Variants in AVPR1A observed in about 807,000 individuals in gnomAD.
The protein encoded by AVPR1A is vasopressin V1a receptor.
AVPR1A carries 31 observed loss-of-function variants against 31.5 expected under a neutral mutation model. The ratio of observed to expected loss-of-function variants is 0.99; its 90% CI spans 0.74 to 1.33. The LOEUF is 1.33. Among genes scored for constraint, AVPR1A ranks in the 40% most tolerant of loss-of-function variants. The pLI, the probability that AVPR1A is intolerant of heterozygous loss-of-function variation, is 0.00. For synonymous variants in AVPR1A, 243 were observed against 233.2 expected (o/e 1.04, Z -0.38); for missense variants, 570 against 575.2 (o/e 0.99, Z 0.09).
chr12:63,150,660 C>A lies in AVPR1A; in HGVS notation c.177G>T (p.Ala59=), dbSNP rs1392060259. The change falls in exon 1 of 2, where the codon GCG becomes GCT. Residue 59 remains alanine (A), a synonymous_variant. Transcript: ENST00000299178. This position sits in a 1 kb window ranked among gnomAD's most constrained non-coding sequence, Gnocchi z 4.9. ...CCAGCACGGCCACCGCGAAAGTCAC[C>A]GCCAGCACGGCGATCTCCAGTTTGG... ...ELAKLEIAVL[A]VTFAVAVLGN... 6.2e-7 allele frequency: 1 copy of A among 1,609,066 alleles called. No individual in the cohort carries two copies. The highest frequency in any genetic ancestry group is 8.5e-7 in the Non-Finnish European group (1 of 1,179,868).
chr12:63,150,299 C>G lies in AVPR1A; in HGVS notation c.538G>C (p.Val180Leu). The G allele has an allele frequency of 1.2e-6, 2 of 1,613,950 alleles. No homozygotes were observed. Among genetic ancestry groups the G allele is most frequent in the Non-Finnish European group, 1.7e-6 (2 of 1,180,038 alleles). The change falls in exon 1 of 2, where the codon GTG (valine) becomes CTG (leucine). Residue 180 changes from valine (V) to leucine (L), a missense_variant. Coordinates refer to ENST00000299178, the MANE Select transcript of AVPR1A (RefSeq NM_000706.5). This position sits in a 1 kb window ranked among gnomAD's most constrained non-coding sequence, Gnocchi z 4.9. ...ACGAAGTACTGCGGCGTGCTCAGCACGAAGCTCAGCACCCAGGCGGCCGCG... is the reference window on the plus strand; with the variant it reads ...ACGAAGTACTGCGGCGTGCTCAGCAGGAAGCTCAGCACCCAGGCGGCCGCG... ...MIAAAWVLSF[V>L]LSTPQYFVFS...
chr12:63,147,532 T>A lies in AVPR1A; in HGVS notation c.1084A>T (p.Ser362Cys), dbSNP rs771830223. The change falls in exon 2 of 2, where the codon AGC becomes TGC. Residue 362 changes from serine (S) to cysteine (C), a missense_variant. Ser to Cys is a moderately radical substitution (Grantham distance 112). Coordinates refer to ENST00000299178, the MANE Select transcript of AVPR1A (RefSeq NM_000706.5). ...SGHLLQDCVQ[S>C]FPCCQNMKEK... Reference sequence around the variant, plus strand: ...TTCATGTTTTGGCAGCATGGGAAGCTTTGAACACAGTCTTGAAGGAGATGG... The same window carrying A: ...TTCATGTTTTGGCAGCATGGGAAGCATTGAACACAGTCTTGAAGGAGATGG... 4 of 1,614,176 alleles carry A rather than the reference T, an allele frequency of 2.5e-6. No individual in the cohort carries two copies. In the South Asian group the frequency reaches 4.4e-5, roughly 18 times the overall value.
In AVPR1A at chr12:63,145,053, T is replaced by G. The variant is rs1319637282; in HGVS notation, c.*2306A>C. On this transcript the variant is annotated 3_prime_UTR_variant, in exon 2 of 2. Transcript: ENST00000299178. ...TTCCAAACCAAAAAGCTTTAGTTTT[T>G]GAACTATCAAAGAGTTGTTAAAAGG... 1 of 157,500 alleles carries G rather than the reference T, an allele frequency of 6.3e-6. No homozygotes were observed. Among genetic ancestry groups the G allele is most frequent in the Non-Finnish European group, 1.4e-5 (1 of 71,288 alleles). 9.8% of individuals were successfully genotyped at this position (157,500 alleles called of 1,614,324 possible).
Position 63,147,238 on chromosome 12 carries a change from T to C in AVPR1A, c.*121A>G. The C allele has an allele frequency of 4.9e-6, 6 of 1,215,608 alleles. No individual in the cohort carries two copies. In the South Asian group the frequency reaches 9.1e-5, roughly 18 times the overall value. The allele number at this position is 1,215,608 out of a possible 1,614,324, so 75.3% of individuals were successfully genotyped here. On this transcript the variant is annotated 3_prime_UTR_variant, in exon 2 of 2. Coordinates refer to ENST00000299178, the MANE Select transcript of AVPR1A (RefSeq NM_000706.5). ...AAATGCAACTAGAAACACAGTCTCA[T>C]ACACAATGAATTGATTTATGGTTAT...
Position 63,145,888 on chromosome 12 carries a change from A to C in AVPR1A, c.*1471T>G, listed in dbSNP as rs1470425351. 6.6e-6 allele frequency: 1 copy of C among 152,302 alleles called. No homozygotes were observed. Among genetic ancestry groups the C allele is most frequent in the Non-Finnish European group, 1.5e-5 (1 of 68,116 alleles). The allele number at this position is 152,302 out of a possible 1,614,324, so 9.4% of individuals were successfully genotyped here. ...AGCAAGTTCTGTCTTTAAATTGGAA[A>C]ACTTTAGTCAGGCAGGAGAAGTCAA... On this transcript the variant is annotated 3_prime_UTR_variant, in exon 2 of 2. Transcript: ENST00000299178.
intron 1 of AVPR1A, among the ~76,000 whole-genome samples, chr12:63,148,472 A>C (rs186667375): frequency 2.0e-5 from 3 of 152,202 alleles, no homozygotes; most frequent in Admixed American, 1.3e-4. Flanking sequence ...ATTTAATCAT[A>C]CTTAGTGCTA....
chr12:63,150,738 T>C lies in AVPR1A; in HGVS notation c.99A>G (p.Glu33=), dbSNP rs1291063914. The C allele has an allele frequency of 2.5e-6, 4 of 1,602,124 alleles. No individual in the cohort carries two copies. The Admixed American group carries it at 6.7e-5, about 27-fold the overall frequency. Residue 33 remains glutamate, a synonymous_variant, in exon 1 of 2, where the codon GAA becomes GAG. Transcript: ENST00000299178. The surrounding 1 kb of genome is among the most constrained non-coding windows in gnomAD (Gnocchi z 4.9). The part of the protein sequence containing the change: ...TGAGNTSREA[E]ALGEGNGPPR... ...GTGGGCCGTTGCCCTCCCCGAGGGC[T>C]TCGGCCTCCCGGCTTGTGTTGCCAG...
chr12:63,148,614 G>C (rs1868395620), intron 1 of AVPR1A, among the ~76,000 whole-genome samples: 1 of 152,100 alleles, frequency 6.6e-6, no homozygotes, highest in Non-Finnish European at 1.5e-5. Context: ...GCAATAATTA[G>C]ACTGAATTTC....
rs576459831 is a variant in AVPR1A at position 63,145,933 on chromosome 12, T to C, written c.*1426A>G. The C allele has an allele frequency of 1.3e-5, 2 of 152,304 alleles. No individual in the cohort carries two copies. The highest frequency in any genetic ancestry group is 3.9e-4 in the East Asian group (2 of 5,180). The allele number at this position is 152,304 out of a possible 1,614,324, so 9.4% of individuals were successfully genotyped here. ...AGTCAAGCTGAGCAGTCACTGGAAA[T>C]GTTGTCCAATGAATCAGCGATCTAT... On this transcript the variant is annotated 3_prime_UTR_variant, in exon 2 of 2. Coordinates refer to ENST00000299178, the MANE Select transcript of AVPR1A (RefSeq NM_000706.5).
In AVPR1A at chr12:63,150,950, G is replaced by C; in HGVS notation, c.-114C>G. On this transcript the variant is annotated 5_prime_UTR_variant, in exon 1 of 2. Transcript: ENST00000299178. This position sits in a 1 kb window ranked among gnomAD's most constrained non-coding sequence, Gnocchi z 4.9. ...GTCCGAAGCGCAGGGTCTTTGGCGC[G>C]CTCGCAGCTTGCCGGGCTCTGCGAT... The C allele has an allele frequency of 7.1e-7, 1 of 1,407,336 alleles. No homozygotes were observed. Among genetic ancestry groups the C allele is most frequent in the Non-Finnish European group, 9.3e-7 (1 of 1,075,592 alleles). 87.2% of individuals were successfully genotyped at this position (1,407,336 alleles called of 1,614,324 possible).
chr12:63,150,437 C>T lies in AVPR1A; in HGVS notation c.400G>A (p.Gly134Ser), dbSNP rs769533111. 3 of 1,613,524 alleles carry T rather than the reference C, an allele frequency of 1.9e-6. No individual in the cohort carries two copies. The highest frequency in any genetic ancestry group is 1.7e-5 in the Admixed American group (1 of 59,988). ...AGCATGTAGGCCGACGCAAACATGC[C>T]GAACACCTGCAGGTGCTTCACCACG... ...CRVVKHLQVF[G>S]MFASAYMLVV... Residue 134 changes from glycine to serine, a missense_variant, in exon 1 of 2, where the codon GGC becomes AGC. Gly to Ser is a moderately conservative substitution (Grantham distance 56). Transcript: ENST00000299178. The surrounding 1 kb of genome is among the most constrained non-coding windows in gnomAD (Gnocchi z 4.9).
intron 1 of AVPR1A, among the ~76,000 whole-genome samples, chr12:63,148,632 G>A (rs1592332521): frequency 6.6e-6 from 1 of 152,090 alleles, no homozygotes; most frequent in East Asian, 1.9e-4. Context: ...TTCTTTATTT[G>A]ATGGACAATA....
At position 63,147,631 on chromosome 12, in the gene AVPR1A, T is replaced by C. The variant is rs1471556584; in HGVS notation, c.985A>G (p.Thr329Ala). The C allele has an allele frequency of 1.2e-6, 2 of 1,611,704 alleles. No individual in the cohort carries two copies. The change falls in exon 2 of 2, where the codon ACC (threonine) becomes GCC (alanine). Residue 329 changes from threonine to alanine, a missense_variant. Transcript: ENST00000299178. ...CCCAGTAATGCAGTGATGGTGATGG[T>C]AGGGTTTTCCGATTCTGCATGAAAA... ...MSVWTESENP[T>A]ITITALLGSL...
chr12:63,151,047 C>T lies in AVPR1A; in HGVS notation c.-211G>A, dbSNP rs1868476897. 1.5e-6 allele frequency: 1 copy of T among 659,952 alleles called. No individual in the cohort carries two copies. Among genetic ancestry groups the T allele is most frequent in the South Asian group, 2.4e-5 (1 of 41,498 alleles). 40.9% of individuals were successfully genotyped at this position (659,952 alleles called of 1,614,324 possible). ...GCAGCTCTCAGCAGGGTGAGCTGGC[C>T]CCTCTCCCTGCTCTGCCTTTTTTCA... On this transcript the variant is annotated 5_prime_UTR_variant, in exon 1 of 2. Coordinates refer to ENST00000299178, the MANE Select transcript of AVPR1A (RefSeq NM_000706.5).
rs1565878713 is a variant in AVPR1A at position 63,149,790 on chromosome 12, T to TCACA, written c.970+76_970+77insTGTG. The TCACA allele has an allele frequency of 2.3e-5, 34 of 1,470,810 alleles. No individual in the cohort carries two copies. The African/African-American group carries it at 4.2e-4, about 18-fold the overall frequency. 91.1% of individuals were successfully genotyped at this position (1,470,810 alleles called of 1,614,324 possible). ...ATTTTTTTCTCTCTCTCTCTCTCTC[T>TCACA]CTCTCTCTCACACACACACACACAC... On this transcript the variant is annotated intron_variant, in intron 1 of 1. Coordinates refer to ENST00000299178, the MANE Select transcript of AVPR1A (RefSeq NM_000706.5).
chr12:63,149,987 G>A lies in AVPR1A; in HGVS notation c.850C>T (p.Arg284Trp), dbSNP rs767540299. ...PCVSSVKSIS[R>W]AKIRTVKMTF... ...ATCTTCACCGTGCGGATCTTGGCCC[G>A]GGAAATGGACTTCACGCTGCTGACA... Residue 284 changes from arginine (R) to tryptophan (W), a missense_variant, in exon 1 of 2, where the codon CGG (arginine) becomes TGG (tryptophan). Coordinates refer to ENST00000299178, the MANE Select transcript of AVPR1A (RefSeq NM_000706.5). 6 of 1,614,006 alleles carry A rather than the reference G, an allele frequency of 3.7e-6. No individual in the cohort carries two copies. The highest frequency in any genetic ancestry group is 2.2e-5 in the East Asian group (1 of 44,878).
chr12:63,148,163 C>G (rs1203691441), intron 1 of AVPR1A, among the ~76,000 whole-genome samples: 1 of 152,036 alleles, frequency 6.6e-6, no homozygotes, highest in East Asian at 1.9e-4. Context: ...ATGATATAAG[C>G]TTTAGTTGTT....
Position 63,149,986 on chromosome 12 carries a change from CG to C in AVPR1A, c.850del (p.Arg284GlyfsTer7), listed in dbSNP as rs1868433111. 1 of 1,614,138 alleles carries C rather than the reference CG, an allele frequency of 6.2e-7. No homozygotes were observed. Among genetic ancestry groups the C allele is most frequent in the Non-Finnish European group, 8.5e-7 (1 of 1,180,038 alleles). Reference protein sequence around the residue: ...PCVSSVKSISRAKIRTVKMTF... With the variant: ...PCVSSVKSISXAKIRTVKMTF... ...CATCTTCACCGTGCGGATCTTGGCC[CG>C]GGAAATGGACTTCACGCTGCTGACA... On this transcript the variant is annotated frameshift_variant, in exon 1 of 2. Transcript: ENST00000299178. LOFTEE classifies it high-confidence loss of function.
intron 1 of AVPR1A, 87 bp downstream of exon 1, chr12:63,149,780 T>TCACACACACACACA (rs1273287409): frequency 1.5e-6 from 2 of 1,373,530 alleles, no homozygotes; most frequent in African/African-American, 3.9e-5. Context: ...TTTCTCTCTC[T>TCACACACACACACA]CTCTCTCTCT....
Sources: allele counts gnomAD v4.1 joint callset (sites outside exome capture counted in the v4.1 genomes callset), GRCh38; gene constraint gnomAD v4.1.1; non-coding constraint Gnocchi (gnomAD v3.1); transcripts MANE v1.5; gene names NCBI Gene and HGNC (gene_info 2026-07-23, HGNC 2026-07-21).